ZAR1L: variants seen among roughly 807,000 people sequenced by gnomAD.
ZAR1L encodes the protein zygote arrest 1 like.
Under a neutral mutation model 30.0 loss-of-function variants are expected in ZAR1L, and 16 were observed. The ratio of observed to expected loss-of-function variants is 0.53; its 90% CI spans 0.36 to 0.81. The LOEUF is 0.81. ZAR1L is among the 30% of genes least tolerant of loss of function. ZAR1L has a pLI of 0.00. For missense variants in ZAR1L, 392 were observed against 417.2 expected (o/e 0.94, Z 0.53); for synonymous variants, 197 against 166.8 (o/e 1.18, Z -1.40).
chr13:32,310,491 T>A, intron 4 of ZAR1L, 148 bp downstream of exon 4: 1 of 620,432 alleles, frequency 1.6e-6, no homozygotes. Context: ...ATTCATTCAC[T>A]GAGCACTTCC....
At chr13:32,304,654 A>AAAT (rs764696086) in intron 5 of ZAR1L, among the ~76,000 whole-genome samples, 1 of 152,116 alleles carries the variant, frequency 6.6e-6, no homozygotes, top group Non-Finnish European at 1.5e-5. Context: ...CTAGGATCTA[A>AAAT]AATAGTTTCT....
chr13:32,312,690 C>G (rs921357765), intron 2 of ZAR1L, among the ~76,000 whole-genome samples: 8 of 152,034 alleles, frequency 5.3e-5, no homozygotes. Context: ...CCAACCTGGC[C>G]AACATGATGA....
intron 5 of ZAR1L, among the ~76,000 whole-genome samples, chr13:32,307,450 G>T (rs408394): frequency 0.41 from 54,301 of 133,214 alleles, 10,407 homozygotes; most frequent in Middle Eastern, 0.55. Context: ...AGTGAACCAA[G>T]ATTGCACCAC....
intron 2 of ZAR1L, among the ~76,000 whole-genome samples, chr13:32,313,047 T>C (rs1432030253): frequency 6.6e-6 from 1 of 152,196 alleles, no homozygotes; most frequent in Non-Finnish European, 1.5e-5. Flanking sequence ...GAAAGTAGAA[T>C]GGTGGTTACC....
At chr13:32,307,929 A>AG (rs1230256230) in intron 5 of ZAR1L, among the ~76,000 whole-genome samples, 1 of 152,062 alleles carries the variant, frequency 6.6e-6, no homozygotes, top group Non-Finnish European at 1.5e-5. Context: ...CAGCCTCCCG[A>AG]GTAGCTGGGA....
chr13:32,304,459 G>C (rs918785837), intron 5 of ZAR1L, among the ~76,000 whole-genome samples: 4 of 152,250 alleles, frequency 2.6e-5, no homozygotes, highest in Non-Finnish European at 5.9e-5. Context: ...GGAATAAAAT[G>C]AACATTTAAA....
chr13:32,304,262 C>T (rs923629080), intron 5 of ZAR1L, among the ~76,000 whole-genome samples: 1 of 152,104 alleles, frequency 6.6e-6, no homozygotes, highest in African/African-American at 2.4e-5. Flanking sequence ...CCAATCAAGA[C>T]AACATAATGT....
At chr13:32,314,072 T>G (rs2072232588) in intron 2 of ZAR1L, among the ~76,000 whole-genome samples, 1 of 152,260 alleles carries the variant, frequency 6.6e-6, no homozygotes, top group African/African-American at 2.4e-5. Flanking sequence ...TATCCTCATC[T>G]GACAATACTG....
chr13:32,310,977 G>A (rs2072208050), intron 3 of ZAR1L, among the ~76,000 whole-genome samples: 1 of 151,996 alleles, frequency 6.6e-6, no homozygotes. Flanking sequence ...TTCCCAAAAC[G>A]AAAGTCTGAT....
Position 32,315,109 on chromosome 13 carries a change from T to C in ZAR1L, c.-390+206A>G, listed in dbSNP as rs927273467. 5.3e-5 allele frequency among the ~76,000 whole-genome samples: 8 copies of C among 152,182 alleles called. No individual in the cohort carries two copies. In the East Asian group the frequency reaches 9.7e-4, roughly 18 times the overall value. The stretch of plus-strand genomic sequence containing the variant: ...CTAAGCTTTTGTAAGATCGGCTCGC[T>C]TTGGGGAACAGGTCTTGAGAGAACA... On this transcript the variant is annotated intron_variant, in intron 1 of 5. Transcript: ENST00000533490.
chr13:32,310,521 A>C, intron 4 of ZAR1L, 118 bp downstream of exon 4: 1 of 706,626 alleles, frequency 1.4e-6, no homozygotes, highest in Non-Finnish European at 2.4e-6. Flanking sequence ...GGCACGGGGG[A>C]TGCCACCAAG....
At chr13:32,312,605 C>T (rs1220849506) in intron 2 of ZAR1L, among the ~76,000 whole-genome samples, 2 of 151,984 alleles carry the variant, frequency 1.3e-5, no homozygotes, top group Non-Finnish European at 2.9e-5. Context: ...TGGCCAGGCG[C>T]GGTGGCTCAC....
rs911467093 is a variant in ZAR1L at position 32,304,843 on chromosome 13, C to G, written c.823-821G>C. ...TTTTTTTTTGAAATGGAGTCTCGCT[C>G]TGTCGCCCAGTCTGGAGTGCAGTGG... On this transcript the variant is annotated intron_variant, in intron 5 of 5. Transcript: ENST00000533490. Among the ~76,000 whole-genome samples, 12 of 147,052 alleles carry G rather than the reference C, an allele frequency of 8.2e-5. No homozygotes were observed. In the East Asian group the frequency reaches 1.8e-3, roughly 22 times the overall value.
Position 32,311,287 on chromosome 13 carries a change from C to T in ZAR1L, c.639G>A (p.Arg213=), listed in dbSNP as rs2072210117. 1 of 1,549,658 alleles carries T rather than the reference C, an allele frequency of 6.5e-7. No homozygotes were observed. The highest frequency in any genetic ancestry group is 1.4e-5 in the African/African-American group (1 of 73,118). ...GAGGATCTACCTGGAAGTTGGGCCTCCGGAGCGGCTCGGAGGCGGCGTCTC... is the reference window on the plus strand; with the variant it reads ...GAGGATCTACCTGGAAGTTGGGCCTTCGGAGCGGCTCGGAGGCGGCGTCTC... The part of the protein sequence containing the change: ...VPGDAASEPL[R]RPNFQFLEPK... The change falls in exon 3 of 6, where the codon CGG becomes CGA. Residue 213 remains arginine, a synonymous_variant. Transcript: ENST00000533490.
chr13:32,314,875 A>G (rs1272549701), intron 1 of ZAR1L, among the ~76,000 whole-genome samples: 1 of 152,068 alleles, frequency 6.6e-6, no homozygotes, highest in Non-Finnish European at 1.5e-5. Flanking sequence ...AAAAGATACT[A>G]CCAAGCCCTG....
At chr13:32,304,875 C>A (rs1057498991) in intron 5 of ZAR1L, among the ~76,000 whole-genome samples, 1 of 144,974 alleles carries the variant, frequency 6.9e-6, no homozygotes, top group African/African-American at 2.6e-5. Flanking sequence ...GTGGTGAGAT[C>A]TTGGCTCACT....
chr13:32,308,102 A>G (rs1215230226), intron 5 of ZAR1L, among the ~76,000 whole-genome samples: 2 of 152,192 alleles, frequency 1.3e-5, no homozygotes, highest in Non-Finnish European at 2.9e-5. Context: ...TGCCTGGCCT[A>G]TTTATTTCTA....
intron 3 of ZAR1L, 44 bp downstream of exon 3, chr13:32,311,228 G>A: frequency 1.3e-6 from 2 of 1,496,556 alleles, no homozygotes; most frequent in Non-Finnish European, 1.8e-6. Context: ...GGAGGGAGGG[G>A]ATGAGGCTGG....
intron 5 of ZAR1L, among the ~76,000 whole-genome samples, chr13:32,308,243 A>G (rs973549329): frequency 1.3e-5 from 2 of 152,240 alleles, no homozygotes; most frequent in East Asian, 1.9e-4. Context: ...CATAGAATCC[A>G]GTCAGAGCTC....
Sources: gnomAD v4.1 joint callset for allele counts (sites outside exome capture counted in the v4.1 genomes callset) on GRCh38, gnomAD v4.1.1 for gene constraint, MANE v1.5 for transcripts, NCBI Gene and HGNC (gene_info 2026-07-23, HGNC 2026-07-21) for gene names.